SPATA46: variants seen among roughly 807,000 people sequenced by gnomAD.
The protein encoded by SPATA46 is spermatogenesis-associated protein 46.
Under a neutral mutation model 6.2 loss-of-function variants are expected in SPATA46, and 3 were observed. The observed-to-expected ratio is 0.48, with a 90% CI of 0.22 to 1.25. The LOEUF (loss-of-function observed/expected upper bound fraction) is 1.25. Among genes scored for constraint, SPATA46 ranks in the 50% most tolerant of loss-of-function variants. The pLI, the probability that SPATA46 is intolerant of heterozygous loss-of-function variation, is 0.20. For synonymous variants in SPATA46, 117 were observed against 123.3 expected (o/e 0.95, Z 0.34); for missense variants, 308 against 323.5 (o/e 0.95, Z 0.37).
chr1:162,375,449 C>CCCAGAAAGTGGAAT, intron 1 of SPATA46, 46 bp from the exon 2 acceptor site: 1 of 1,540,476 alleles, frequency 6.5e-7, no homozygotes, highest in Non-Finnish European at 9.0e-7. Flanking sequence ...GGTTGGGATT[C>CCCAGAAAGTGGAAT]CACTTTCTGG....
rs2101841146 is a variant in SPATA46 at position 162,375,368 on chromosome 1, T to A, written c.139A>T (p.Ser47Cys). 1 of 1,614,186 alleles carries A rather than the reference T, an allele frequency of 6.2e-7. No individual in the cohort carries two copies. Among genetic ancestry groups the A allele is most frequent in the Middle Eastern group, 1.6e-4 (1 of 6,062 alleles). Reference sequence around the variant, plus strand: ...TGGGGTGGCAGGGCCTGAGCTGGGCTGGATGCCTCAGTGGGTACTGCTGTC... The same window carrying A: ...TGGGGTGGCAGGGCCTGAGCTGGGCAGGATGCCTCAGTGGGTACTGCTGTC... ...AKTAVPTEAS[S>C]PAQALPPQYQ... Residue 47 changes from serine (S) to cysteine (C), a missense_variant, in exon 2 of 3, where the codon AGC (serine) becomes TGC (cysteine). Coordinates refer to ENST00000367935, the MANE Select transcript of SPATA46 (RefSeq NM_182581.4).
rs775027298 is a variant in SPATA46, at chr1:162,375,282, G to A, written c.217+8C>T. The stretch of plus-strand genomic sequence containing the variant: ...CACATTCCCGCCCAGAGTCAGAGAA[G>A]TCCTCACCTGGTGAGAGCGCTGTGT... On this transcript the variant is annotated splice_region_variant and intron_variant, in intron 2 of 2. Transcript: ENST00000367935. The A allele has an allele frequency of 8.1e-6, 13 of 1,602,686 alleles. No individual in the cohort carries two copies. Among genetic ancestry groups the A allele is most frequent in the Non-Finnish European group, 1.1e-5 (13 of 1,169,666 alleles).
intron 2 of SPATA46, 101 bp from the exon 3 acceptor site, chr1:162,374,717 G>T (rs1647587831): frequency 2.4e-6 from 3 of 1,233,888 alleles, no homozygotes; most frequent in African/African-American, 1.5e-5. Flanking sequence ...CATGACCTCG[G>T]TTACCTCCAC....
chr1:162,374,507 G>A lies in SPATA46; in HGVS notation c.327C>T (p.Ser109=). 1 of 1,614,224 alleles carries A rather than the reference G, an allele frequency of 6.2e-7. No homozygotes were observed. Among genetic ancestry groups the A allele is most frequent in the Non-Finnish European group, 8.5e-7 (1 of 1,180,044 alleles). The change falls in exon 3 of 3, where the codon AGC becomes AGT. Residue 109 remains serine, a synonymous_variant. Transcript: ENST00000367935. ...CTGGGAAGTCATAGGCCTCCAGCTG[G>A]CTCTCTTTGTCTGCACACACGAAGT... ...YSYFVCADKE[S]QLEAYDFPEV...
In SPATA46 at chr1:162,376,839, G is replaced by C. The variant is rs771856508; in HGVS notation, c.-49C>G. ...GAGATCACACGCCTGCTCTGGAGAGGCTGGCTGGTTTGTCCAGAGGATAAA... is the reference window on the plus strand; with the variant it reads ...GAGATCACACGCCTGCTCTGGAGAGCCTGGCTGGTTTGTCCAGAGGATAAA... On this transcript the variant is annotated 5_prime_UTR_variant, in exon 1 of 3. Coordinates refer to ENST00000367935, the MANE Select transcript of SPATA46 (RefSeq NM_182581.4). 6.3e-7 allele frequency: 1 copy of C among 1,599,092 alleles called. No homozygotes were observed. Among genetic ancestry groups the C allele is most frequent in the Non-Finnish European group, 8.5e-7 (1 of 1,173,590 alleles).
intron 1 of SPATA46, 123 bp from the exon 2 acceptor site, chr1:162,375,526 C>T (rs1571258920): frequency 7.0e-6 from 5 of 710,288 alleles, no homozygotes. Context: ...TGAAACAGAA[C>T]AGTGACCTCT....
At position 162,373,857 on chromosome 1, in the gene SPATA46, C is replaced by A; in HGVS notation, c.*191G>T. 1.5e-6 allele frequency: 1 copy of A among 651,276 alleles called. No homozygotes were observed. Among genetic ancestry groups the A allele is most frequent in the Non-Finnish European group, 2.6e-6 (1 of 391,904 alleles). The allele number at this position is 651,276 out of a possible 1,614,324, so 40.3% of individuals were successfully genotyped here. A position where few individuals can be genotyped will look rare whatever the true frequency, so the allele number is the denominator to read the frequency against. On this transcript the variant is annotated 3_prime_UTR_variant, in exon 3 of 3. Transcript: ENST00000367935. ...GCTGGGCACCTTTGAGAACCTCTAT[C>A]TTAGATGATTTTCCCAAACTTCAAG...
Position 162,374,357 on chromosome 1 carries a change from A to G in SPATA46, c.477T>C (p.His159=). 6.2e-7 allele frequency: 1 copy of G among 1,614,064 alleles called. No homozygotes were observed. The highest frequency in any genetic ancestry group is 8.5e-7 in the Non-Finnish European group (1 of 1,179,988). The part of the protein sequence containing the change: ...CPREATKKSR[H]GLDSITSQDI... ...CCTGGGATGTGATGGAGTCCAGGCCATGCCTGGATTTCTTGGTGGCTTCTC... is the reference window on the plus strand; with the variant it reads ...CCTGGGATGTGATGGAGTCCAGGCCGTGCCTGGATTTCTTGGTGGCTTCTC... The change falls in exon 3 of 3, where the codon CAT becomes CAC. Residue 159 remains histidine, a synonymous_variant. Coordinates refer to ENST00000367935, the MANE Select transcript of SPATA46 (RefSeq NM_182581.4).
chr1:162,374,738 T>C (rs548798093), intron 2 of SPATA46, 122 bp from the exon 3 acceptor site: 27 of 993,124 alleles, frequency 2.7e-5, no homozygotes, highest in African/African-American at 2.1e-4. Context: ...CCCACCACGA[T>C]TGCAGTTCTG....
intron 1 of SPATA46, among the ~76,000 whole-genome samples, chr1:162,375,789 G>A (rs183929443): frequency 5.3e-5 from 8 of 152,240 alleles, no homozygotes; most frequent in Admixed American, 3.3e-4. Flanking sequence ...TTCCATGCCC[G>A]CTTTGAGGAT....
intron 2 of SPATA46, among the ~76,000 whole-genome samples, chr1:162,374,887 G>T (rs963273583): frequency 1.3e-5 from 2 of 152,130 alleles, no homozygotes; most frequent in Non-Finnish European, 2.9e-5. Flanking sequence ...ATTTGTCGAG[G>T]CCTTCCCCTC....
In SPATA46 at chr1:162,373,893, AT is replaced by A. The variant is rs1647519128; in HGVS notation, c.*154del. The A allele has an allele frequency of 2.6e-6, 2 of 783,032 alleles. No homozygotes were observed. The highest frequency in any genetic ancestry group is 5.1e-5 in the Admixed American group (2 of 39,010). 48.5% of individuals were successfully genotyped at this position (783,032 alleles called of 1,614,324 possible). On this transcript the variant is annotated 3_prime_UTR_variant, in exon 3 of 3. Coordinates refer to ENST00000367935, the MANE Select transcript of SPATA46 (RefSeq NM_182581.4). ...TTCCCAAACTTCAAGTATTGTCTTTATTTTTAAAAGAGAGAAAGGGGAGGGT... is the reference window on the plus strand; with the variant it reads ...TTCCCAAACTTCAAGTATTGTCTTTATTTTAAAAGAGAGAAAGGGGAGGGT...
chr1:162,374,111 C>T lies in SPATA46; in HGVS notation c.723G>A (p.Gln241=). ...LGDRLSSGSC[Q]AFNSPAEHLR... is the part of the protein sequence containing the mutation. ...GGTGTTCAGCAGGACTATTGAAGGC[C>T]TGGCAGCTGCCGGAGGAGAGCCTGT... The change falls in exon 3 of 3, where the codon CAG becomes CAA. Residue 241 remains glutamine, a synonymous_variant. Coordinates refer to ENST00000367935, the MANE Select transcript of SPATA46 (RefSeq NM_182581.4). The T allele has an allele frequency of 1.2e-6, 2 of 1,614,140 alleles. No individual in the cohort carries two copies. The highest frequency in any genetic ancestry group is 1.7e-6 in the Non-Finnish European group (2 of 1,179,982).
Position 162,374,541 on chromosome 1 carries a change from G to T in SPATA46, c.293C>A (p.Pro98His). ...NCTIYRPWFS[P>H]YSYFVCADKE... is the part of the protein sequence containing the mutation. ...GTCTGCACACACGAAGTAGCTGTAGGGGGAGAACCAGGGCCGGTAGATAGT... is the reference window on the plus strand; with the variant it reads ...GTCTGCACACACGAAGTAGCTGTAGTGGGAGAACCAGGGCCGGTAGATAGT... Residue 98 changes from proline to histidine, a missense_variant, in exon 3 of 3, where the codon CCC becomes CAC. Transcript: ENST00000367935. 1.9e-6 allele frequency: 3 copies of T among 1,614,178 alleles called. No homozygotes were observed. The highest frequency in any genetic ancestry group is 2.2e-5 in the East Asian group (1 of 44,876).
At chr1:162,375,183 C>A (rs1389812589) in intron 2 of SPATA46, 107 bp downstream of exon 2, 1 of 948,170 alleles carries the variant, frequency 1.1e-6, no homozygotes, top group Admixed American at 1.9e-5. Flanking sequence ...GTGACAAGAC[C>A]GCGCATGGGG....
At position 162,375,516 on chromosome 1, in the gene SPATA46, T is replaced by C. The variant is rs1229444184; in HGVS notation, c.104-113A>G. ...TCTGTACTTCAAGGCATCTCAACGCTGAAACAGAACAGTGACCTCTCAAAC... is the reference window on the plus strand; with the variant it reads ...TCTGTACTTCAAGGCATCTCAACGCCGAAACAGAACAGTGACCTCTCAAAC... On this transcript the variant is annotated intron_variant, in intron 1 of 2. Coordinates refer to ENST00000367935, the MANE Select transcript of SPATA46 (RefSeq NM_182581.4). The C allele has an allele frequency of 5.2e-6, 4 of 767,518 alleles. No homozygotes were observed. The African/African-American group carries it at 6.9e-5, about 13-fold the overall frequency. 47.5% of individuals were successfully genotyped at this position (767,518 alleles called of 1,614,324 possible).
At chr1:162,376,211 C>T (rs16861378) in intron 1 of SPATA46, among the ~76,000 whole-genome samples, 4,376 of 152,272 alleles carry the variant, frequency 0.029, 83 homozygotes, top group Middle Eastern at 0.095. Context: ...CATCAGTTTA[C>T]GCTGCTGCTT....
At position 162,373,916 on chromosome 1, in the gene SPATA46, G is replaced by A; in HGVS notation, c.*132C>T. 2 of 815,340 alleles carry A rather than the reference G, an allele frequency of 2.5e-6. No homozygotes were observed. The highest frequency in any genetic ancestry group is 3.9e-6 in the Non-Finnish European group (2 of 513,564). 50.5% of individuals were successfully genotyped at this position (815,340 alleles called of 1,614,324 possible). A position where few individuals can be genotyped will look rare whatever the true frequency, so the allele number is the denominator to read the frequency against. On this transcript the variant is annotated 3_prime_UTR_variant, in exon 3 of 3. Transcript: ENST00000367935. The stretch of plus-strand genomic sequence containing the variant: ...TTATTTTTAAAAGAGAGAAAGGGGA[G>A]GGTGTGTGCCTGGTGTTGCTAGGCA...
chr1:162,375,958 A>G (rs1647646545), intron 1 of SPATA46, among the ~76,000 whole-genome samples: 1 of 152,160 alleles, frequency 6.6e-6, no homozygotes, highest in Non-Finnish European at 1.5e-5. Flanking sequence ...TAAATGTCAT[A>G]TATGTAGACA....
Sources: gnomAD v4.1 joint callset for allele counts (sites outside exome capture counted in the v4.1 genomes callset) on GRCh38, gnomAD v4.1.1 for gene constraint, MANE v1.5 for transcripts, NCBI Gene and HGNC (gene_info 2026-07-23, HGNC 2026-07-21) for gene names.